Variants in TAF4 observed in about 807,000 individuals in gnomAD.
TAF4 encodes TATA-box binding protein associated factor 4.
TAF4 carries 9 observed loss-of-function variants against 90.3 expected under a neutral mutation model. That is an observed-to-expected ratio of 0.10 (90% confidence interval 0.06 to 0.17). TAF4 has a LOEUF of 0.17. Ranked by LOEUF, TAF4 falls within the 10% of genes least tolerant of loss-of-function variation. TAF4 has a pLI of 1.00. For synonymous variants in TAF4, 818 were observed against 638.9 expected (o/e 1.28, Z -4.23); for missense variants, 1,351 against 1,370.7 (o/e 0.99, Z 0.23).
intron 1 of TAF4, among the ~76,000 whole-genome samples, chr20:62,057,417 T>TTTGA (rs1366037921): frequency 1.3e-5 from 2 of 152,218 alleles, no homozygotes; most frequent in East Asian, 3.9e-4. Flanking sequence ...TAATGTCAAA[T>TTTGA]TTGATAGACA....
chr20:62,064,820 G>A lies in TAF4; in HGVS notation c.991C>T (p.Pro331Ser). The A allele has an allele frequency of 1.0e-6, 1 of 977,086 alleles. No individual in the cohort carries two copies. The highest frequency in any genetic ancestry group is 1.2e-6 in the Non-Finnish European group (1 of 826,244). 60.5% of individuals were successfully genotyped at this position (977,086 alleles called of 1,614,324 possible). Residue 331 changes from proline (P) to serine (S), a missense_variant, in exon 1 of 15, where the codon CCC (proline) becomes TCC (serine). Transcript: ENST00000252996. ...GPAGVSGQPG[P>S]GAAAAAPAPG... ...GCCGGCGCCGCAGCCGCCGCGCCGG[G>A]CCCGGGTTGGCCGCTGACCCCCGCG...
At chr20:62,033,825 G>C (rs150840140) in intron 1 of TAF4, among the ~76,000 whole-genome samples, 1 of 151,802 alleles carries the variant, frequency 6.6e-6, no homozygotes, top group Non-Finnish European at 1.5e-5. Flanking sequence ...GGTGGATCAC[G>C]AGGTCAGGAG....
chr20:62,034,922 G>A (rs999945512), intron 1 of TAF4, among the ~76,000 whole-genome samples: 5 of 150,896 alleles, frequency 3.3e-5, no homozygotes, highest in African/African-American at 4.9e-5. Context: ...CCGGGTTCAC[G>A]CCATTCTCCT....
At position 62,010,325 on chromosome 20, in the gene TAF4, G is replaced by C. The variant is rs1470221290; in HGVS notation, c.1642-160C>G. Among the ~76,000 whole-genome samples the C allele has an allele frequency of 6.6e-6, 1 of 152,166 alleles. No homozygotes were observed. The highest frequency in any genetic ancestry group is 6.5e-5 in the Admixed American group (1 of 15,278). On this transcript the variant is annotated intron_variant, in intron 3 of 14. Coordinates refer to ENST00000252996, the MANE Select transcript of TAF4 (RefSeq NM_003185.4). The surrounding 1 kb of genome is among the most constrained non-coding windows in gnomAD (Gnocchi z 4.5). ...GCCACCTGCCAGCCCGCTGGACACG[G>C]GAGTGCTGCTGGGAGGCCTGCCCTG... is the stretch of plus-strand genomic sequence containing the variant.
Position 61,976,015 on chromosome 20 carries a change from G to C in TAF4, c.*153C>G, listed in dbSNP as rs1037609770. The C allele has an allele frequency of 3.8e-6, 3 of 781,572 alleles. No homozygotes were observed. The African/African-American group carries it at 5.3e-5, about 14-fold the overall frequency. 48.4% of individuals were successfully genotyped at this position (781,572 alleles called of 1,614,324 possible). A position where few individuals can be genotyped will look rare whatever the true frequency, so the allele number is the denominator to read the frequency against. ...TGTGTTCTCTCTGTTACAGAAACGT[G>C]TTTTCTTTCACACTGAAGAGCTGAT... On this transcript the variant is annotated 3_prime_UTR_variant, in exon 15 of 15. Coordinates refer to ENST00000252996, the MANE Select transcript of TAF4 (RefSeq NM_003185.4).
At chr20:62,016,836 C>T (rs2055814746) in intron 1 of TAF4, among the ~76,000 whole-genome samples, 1 of 152,176 alleles carries the variant, frequency 6.6e-6, no homozygotes, top group Non-Finnish European at 1.5e-5. Flanking sequence ...TGCTCCTCCT[C>T]CTCAAGAATT....
At chr20:62,036,292 T>C (rs1291120845) in intron 1 of TAF4, among the ~76,000 whole-genome samples, 1 of 152,268 alleles carries the variant, frequency 6.6e-6, no homozygotes, top group Admixed American at 6.5e-5. Context: ...CCCGAAGTGC[T>C]GGGATGACAG....
At chr20:62,032,756 T>C (rs748152651) in intron 1 of TAF4, among the ~76,000 whole-genome samples, 5 of 152,216 alleles carry the variant, frequency 3.3e-5, no homozygotes, top group African/African-American at 9.6e-5. Flanking sequence ...TCAGAACACA[T>C]TGGCAGGGAG....
rs1015426327 is a variant in TAF4 at position 61,988,704 on chromosome 20, AGCGAAACAACT to A, written c.3090+8835_3090+8845del. 9.8e-4 allele frequency among the ~76,000 whole-genome samples: 149 copies of A among 152,288 alleles called. 3 individuals are homozygous for A. The Middle Eastern group carries it at 0.014, about 14-fold the overall frequency. Reference sequence around the variant, plus strand: ...AGATCCCCAAAGTTCACAAAAGGCAAGCGAAACAACTGCGAAACAACTGCTCCCCAAACAGA... The same window carrying A: ...AGATCCCCAAAGTTCACAAAAGGCAAGCGAAACAACTGCTCCCCAAACAGA... On this transcript the variant is annotated intron_variant, in intron 14 of 14. Coordinates refer to ENST00000252996, the MANE Select transcript of TAF4 (RefSeq NM_003185.4).
intron 1 of TAF4, among the ~76,000 whole-genome samples, chr20:62,042,171 G>A (rs894934057): frequency 1.3e-5 from 2 of 152,180 alleles, no homozygotes; most frequent in Non-Finnish European, 2.9e-5. Flanking sequence ...CTCCACTGAC[G>A]AGAGCAAAGT....
At chr20:62,020,662 C>T (rs150508272) in intron 1 of TAF4, among the ~76,000 whole-genome samples, 61 of 152,306 alleles carry the variant, frequency 4.0e-4, no homozygotes, top group Non-Finnish European at 7.8e-4. Flanking sequence ...GAAGGCCCAG[C>T]ATCAACCCAG....
intron 9 of TAF4, 140 bp from the exon 10 acceptor site, chr20:62,000,861 T>A: frequency 5.0e-6 from 4 of 794,344 alleles, no homozygotes; most frequent in Non-Finnish European, 7.9e-6. Context: ...CACCTGCACC[T>A]GCTGCATCTG....
chr20:62,036,275 T>A (rs2055932289), intron 1 of TAF4, among the ~76,000 whole-genome samples: 2 of 152,224 alleles, frequency 1.3e-5, no homozygotes, highest in South Asian at 4.1e-4. Context: ...TCCACCCGCC[T>A]CGGCCTCCCG....
chr20:62,027,539 C>A (rs562948110), intron 1 of TAF4, among the ~76,000 whole-genome samples: 17 of 152,268 alleles, frequency 1.1e-4, no homozygotes, highest in African/African-American at 2.9e-4. Context: ...GTGTGCTGTG[C>A]CTACCCCAGG....
intron 9 of TAF4, among the ~76,000 whole-genome samples, chr20:62,001,444 C>A (rs1035831285): frequency 1.3e-4 from 20 of 152,380 alleles, no homozygotes; most frequent in African/African-American, 3.1e-4. Flanking sequence ...CTCTTCCAGG[C>A]TGACTTCGGC....
chr20:61,994,560 C>G (rs1290912465), intron 14 of TAF4, among the ~76,000 whole-genome samples: 1 of 152,256 alleles, frequency 6.6e-6, no homozygotes, highest in Non-Finnish European at 1.5e-5. Context: ...ACTCTAGTGT[C>G]TGTTACACCT....
intron 12 of TAF4, 70 bp downstream of exon 12, chr20:61,998,913 T>C: frequency 6.3e-7 from 1 of 1,583,872 alleles, no homozygotes; most frequent in Non-Finnish European, 8.6e-7. Flanking sequence ...CCCCACTGTC[T>C]CAGTGAGCTC....
At chr20:61,999,614 T>G (rs2123123271) in intron 11 of TAF4, among the ~76,000 whole-genome samples, 1 of 152,292 alleles carries the variant, frequency 6.6e-6, no homozygotes, top group South Asian at 2.1e-4. Context: ...GGTCTGCCAG[T>G]TCAGCCCATG....
chr20:61,976,123 G>C lies in TAF4; in HGVS notation c.*45C>G, dbSNP rs1485361395. On this transcript the variant is annotated 3_prime_UTR_variant, in exon 15 of 15. Transcript: ENST00000252996. ...TATCCCATTTGCTCGTTACAAAAAG[G>C]CGTAATCTGCAAATATATAAAAAGT... 1.9e-6 allele frequency: 3 copies of C among 1,600,256 alleles called. No individual in the cohort carries two copies. Among genetic ancestry groups the C allele is most frequent in the Admixed American group, 3.3e-5 (2 of 59,758 alleles).
Sources: gnomAD v4.1 joint callset for allele counts (sites outside exome capture counted in the v4.1 genomes callset) on GRCh38, gnomAD v4.1.1 for gene constraint, Gnocchi (gnomAD v3.1) non-coding constraint, MANE v1.5 for transcripts, NCBI Gene and HGNC (gene_info 2026-07-23, HGNC 2026-07-21) for gene names.